The following IFIT3 variants were observed in gnomAD, a reference collection of about 807,000 sequenced individuals.
The protein encoded by IFIT3 is interferon-induced protein with tetratricopeptide repeats 3.
IFIT3 carries 2 observed loss-of-function variants against 2.4 expected under a neutral mutation model. The observed-to-expected ratio is 0.82, with a 90% confidence interval of 0.34 to 2.60. IFIT3 has a LOEUF of 2.60. Ranked by LOEUF, IFIT3 falls within the 30% of genes most tolerant of loss-of-function variation. The pLI is 0.11. For synonymous variants in IFIT3, 203 were observed against 212.1 expected, an observed-to-expected ratio of 0.96 and a Z score of 0.37; for missense variants, 481 against 562.4, an observed-to-expected ratio of 0.86 and a Z score of 1.46.
Position 89,328,219 on chromosome 10 carries a change from A to T in IFIT3, c.5+141A>T, listed in dbSNP as rs1843617847. On this transcript the variant is annotated intron_variant, in intron 1 of 1. Coordinates refer to ENST00000371818, the MANE Select transcript of IFIT3 (RefSeq NM_001549.6). ...CTTTATCAGTCTGAGCATTTGTAAG[A>T]TGTTTGAGGGGTTTTTCCCTGTGGC... 3 of 898,590 alleles carry T rather than the reference A, an allele frequency of 3.3e-6. No individual in the cohort carries two copies. The South Asian group carries it at 4.6e-5, about 14-fold the overall frequency. 55.7% of individuals were successfully genotyped at this position (898,590 alleles called of 1,614,324 possible). A position where few individuals can be genotyped will look rare whatever the true frequency, so the allele number is the denominator to read the frequency against.
chr10:89,333,179 T>C (rs1843675877), intron 1 of IFIT3, among the ~76,000 whole-genome samples: 1 of 152,184 alleles, frequency 6.6e-6, no homozygotes, highest in African/African-American at 2.4e-5. Flanking sequence ...TCTAGTGACC[T>C]GCTAAGCCTC....
intron 1 of IFIT3, among the ~76,000 whole-genome samples, chr10:89,335,685 T>TAG (rs34508919): frequency 0.96 from 146,280 of 152,130 alleles, 70,373 homozygotes; most frequent in East Asian, 1. Context: ...TATTAATTAC[T>TAG]AGTGTTCAGC....
At position 89,339,206 on chromosome 10, in the gene IFIT3, A is replaced by G; in HGVS notation, c.551A>G (p.Asp184Gly). The change falls in exon 2 of 2, where the codon GAT (aspartate) becomes GGT (glycine). Residue 184 changes from aspartate to glycine, a missense_variant. By Grantham distance (94) the Asp-to-Gly change is moderately conservative (BLOSUM62 -1). Transcript: ENST00000371818. ...CTGGCAATTGCGATGTACCATCTGG[A>G]TAATCACCCAGAGAAACAGTTCTCT... ...SGLAIAMYHL[D>G]NHPEKQFSTD... 1 of 1,614,110 alleles carries G rather than the reference A, an allele frequency of 6.2e-7. No individual in the cohort carries two copies. Among genetic ancestry groups the G allele is most frequent in the Admixed American group, 1.7e-5 (1 of 60,028 alleles).
chr10:89,332,683 G>C, intron 1 of IFIT3: 1 of 1,539,526 alleles, frequency 6.5e-7, no homozygotes, highest in Admixed American at 1.7e-5. Flanking sequence ...ACAACTTCCT[G>C]ACTTATGCTA....
At chr10:89,337,918 G>A (rs962244328) in intron 1 of IFIT3, among the ~76,000 whole-genome samples, 1 of 152,106 alleles carries the variant, frequency 6.6e-6, no homozygotes, top group Non-Finnish European at 1.5e-5. Context: ...TTCCATTCTT[G>A]TTTTTCACTT....
At chr10:89,331,019 A>AG (rs11413148) in intron 1 of IFIT3, among the ~76,000 whole-genome samples, 37,905 of 152,066 alleles carry the variant, frequency 0.25, 5,032 homozygotes, top group African/African-American at 0.32. Flanking sequence ...AGTTTATTCA[A>AG]CAAAAAGTTG....
intron 1 of IFIT3, among the ~76,000 whole-genome samples, chr10:89,331,858 CAAAAAAAA>C (rs10540155): frequency 1.2e-5 from 1 of 80,608 alleles, no homozygotes; most frequent in African/African-American, 4.4e-5. Flanking sequence ...GATCCTGTCT[CAAAAAAAA>C]AAAAAAAAAA....
chr10:89,330,627 A>T (rs745369326), intron 1 of IFIT3, among the ~76,000 whole-genome samples: 17 of 152,198 alleles, frequency 1.1e-4, no homozygotes, highest in Non-Finnish European at 1.8e-4. Context: ...GGGAAAAGGA[A>T]ATTCATCCTA....
At chr10:89,334,956 C>T (rs183193526) in intron 1 of IFIT3, among the ~76,000 whole-genome samples, 1 of 152,048 alleles carries the variant, frequency 6.6e-6, no homozygotes, top group African/African-American at 2.4e-5. Context: ...AGTGAGGAAA[C>T]CTTGGCAATT....
chr10:89,336,428 C>G (rs748227559), intron 1 of IFIT3, among the ~76,000 whole-genome samples: 2 of 152,146 alleles, frequency 1.3e-5, no homozygotes, highest in Non-Finnish European at 2.9e-5. Context: ...GCATCTCTCA[C>G]TATAAAGCAT....
chr10:89,336,516 A>G (rs896515216), intron 1 of IFIT3, among the ~76,000 whole-genome samples: 4 of 152,246 alleles, frequency 2.6e-5, no homozygotes, highest in African/African-American at 9.6e-5. Flanking sequence ...ATAATAGATC[A>G]GTACACTTGC....
In IFIT3 at chr10:89,340,224, G is replaced by T. The variant is rs1843841559; in HGVS notation, c.*96G>T. Reference sequence around the variant, plus strand: ...GGGGGCCCCAACCTGGGATTGCTGAGCAGGGAAGCTTTGCATGTTGCTCTA... The same window carrying T: ...GGGGGCCCCAACCTGGGATTGCTGATCAGGGAAGCTTTGCATGTTGCTCTA... On this transcript the variant is annotated 3_prime_UTR_variant, in exon 2 of 2. Transcript: ENST00000371818. 7.6e-6 allele frequency: 10 copies of T among 1,312,640 alleles called. No individual in the cohort carries two copies. The highest frequency in any genetic ancestry group is 1.0e-5 in the Non-Finnish European group (10 of 968,784). The allele number at this position is 1,312,640 out of a possible 1,614,324, so 81.3% of individuals were successfully genotyped here.
At position 89,340,075 on chromosome 10, in the gene IFIT3, G is replaced by A. The variant is rs750097286; in HGVS notation, c.1420G>A (p.Ala474Thr). 3.3e-5 allele frequency: 54 copies of A among 1,612,996 alleles called. 1 individual carries two copies. Among genetic ancestry groups the A allele is most frequent in the South Asian group, 1.5e-4 (14 of 90,948 alleles). ...EDGSEEMGQG[A>T]VSSSPRELLS... is the part of the protein sequence containing the mutation. ...TGGTAGTGAGGAAATGGGCCAGGGCGCAGTCAGCTCCAGTCCCAGAGAGCT... is the reference window on the plus strand; with the variant it reads ...TGGTAGTGAGGAAATGGGCCAGGGCACAGTCAGCTCCAGTCCCAGAGAGCT... Residue 474 changes from alanine to threonine, a missense_variant, in exon 2 of 2, where the codon GCA becomes ACA. Ala to Thr is a moderately conservative substitution (Grantham distance 58). Transcript: ENST00000371818.
At chr10:89,332,353 T>C (rs1843662934) in intron 1 of IFIT3, 1 of 686,976 alleles carries the variant, frequency 1.5e-6, no homozygotes, top group Non-Finnish European at 2.2e-6. Context: ...ACAGTGCCTT[T>C]TTACAACTTT....
chr10:89,329,153 A>G (rs960734381), intron 1 of IFIT3, among the ~76,000 whole-genome samples: 9 of 152,056 alleles, frequency 5.9e-5, no homozygotes, highest in Non-Finnish European at 1.3e-4. Context: ...GGGAGGGAAG[A>G]CCCCATCGAC....
intron 1 of IFIT3, among the ~76,000 whole-genome samples, chr10:89,332,850 A>T (rs1332331): frequency 0.01 from 1,521 of 151,888 alleles, 22 homozygotes; most frequent in African/African-American, 0.035. Flanking sequence ...CTGGGAAGGG[A>T]CGGGGCATAT....
chr10:89,332,494 C>T (rs1843664744), intron 1 of IFIT3: 2 of 1,567,102 alleles, frequency 1.3e-6, no homozygotes, highest in African/African-American at 1.4e-5. Flanking sequence ...TTTCCTTTCC[C>T]CTTTCATAAA....
intron 1 of IFIT3, 47 bp downstream of exon 1, chr10:89,328,125 T>C (rs199672976): frequency 1.7e-4 from 269 of 1,596,528 alleles, no homozygotes; most frequent in Non-Finnish European, 8.6e-5. Flanking sequence ...TGAGTGCAAA[T>C]TGTAAGTTGA....
Position 89,339,687 on chromosome 10 carries a change from T to G in IFIT3, c.1032T>G (p.Tyr344Ter). The change falls in exon 2 of 2, where the codon TAT becomes TAG. Residue 344 changes from tyrosine (Y) to a stop codon, truncating the protein, a stop_gained. Transcript: ENST00000371818. LOFTEE classifies it low-confidence loss of function (END_TRUNC). Reference sequence around the variant, plus strand: ...CTGAGTTCCTGGAGACGGAATGTTATCAGACACCATTCAATAAGGAAGTCC... The same window carrying G: ...CTGAGTTCCTGGAGACGGAATGTTAGCAGACACCATTCAATAAGGAAGTCC... ...DLAEFLETEC[Y>*]QTPFNKEVPD... 6.2e-7 allele frequency: 1 copy of G among 1,614,214 alleles called. No individual in the cohort carries two copies. Among genetic ancestry groups the G allele is most frequent in the Non-Finnish European group, 8.5e-7 (1 of 1,180,032 alleles).
Sources: gnomAD v4.1 joint callset for allele counts (sites outside exome capture counted in the v4.1 genomes callset) on GRCh38, gnomAD v4.1.1 for gene constraint, MANE v1.5 for transcripts, NCBI Gene and HGNC (gene_info 2026-07-23, HGNC 2026-07-21) for gene names.